The following SORCS1 variants were observed in gnomAD, a reference collection of about 807,000 sequenced individuals.
SORCS1 encodes the protein VPS10 domain-containing receptor SorCS1.
SORCS1 carries 60 observed loss-of-function variants against 146.1 expected under a neutral mutation model. That is an observed-to-expected ratio of 0.41 (90% CI 0.33 to 0.51). SORCS1 has a LOEUF of 0.51. SORCS1 is among the 20% of genes least tolerant of loss of function. The pLI is 0.21. For missense variants in SORCS1, 1,352 were observed against 1,487.6 expected (o/e 0.91, Z 1.50); for synonymous variants, 637 against 584.0 (o/e 1.09, Z -1.31).
chr10:106,663,609 A>T (rs1850903370), intron 17 of SORCS1, among the ~76,000 whole-genome samples: 1 of 152,230 alleles, frequency 6.6e-6, no homozygotes, highest in South Asian at 2.1e-4. Flanking sequence ...GCCAAATGAC[A>T]TCTGTGGTGA....
intron 1 of SORCS1, among the ~76,000 whole-genome samples, chr10:107,034,858 G>A (rs1440647739): frequency 6.6e-6 from 1 of 151,498 alleles, no homozygotes. Flanking sequence ...CCCATAAACG[G>A]TATGTTTTAT....
intron 6 of SORCS1, among the ~76,000 whole-genome samples, chr10:106,727,988 C>A (rs149163181): frequency 6.6e-6 from 1 of 151,972 alleles, no homozygotes; most frequent in Non-Finnish European, 1.5e-5. Context: ...AGCTATAGGT[C>A]AAGATGAGAA....
intron 3 of SORCS1, among the ~76,000 whole-genome samples, chr10:106,812,941 G>T (rs1232390362): frequency 6.6e-6 from 1 of 151,656 alleles, no homozygotes; most frequent in Admixed American, 6.6e-5. Flanking sequence ...GTTCTGCTCA[G>T]CACGCACATG....
intron 2 of SORCS1, among the ~76,000 whole-genome samples, chr10:106,833,412 G>C (rs1308262114): frequency 1.3e-5 from 2 of 152,212 alleles, no homozygotes; most frequent in Non-Finnish European, 2.9e-5. Flanking sequence ...ATTAGATAGA[G>C]TGTTGACAAG....
chr10:107,065,282 C>A (rs1961640071), intron 1 of SORCS1, among the ~76,000 whole-genome samples: 2 of 152,096 alleles, frequency 1.3e-5, no homozygotes, highest in South Asian at 4.1e-4. Flanking sequence ...TTTGCACACA[C>A]TCGGTATCCC....
chr10:106,751,924 C>G (rs570828589), intron 5 of SORCS1, among the ~76,000 whole-genome samples: 1 of 152,222 alleles, frequency 6.6e-6, no homozygotes, highest in South Asian at 2.1e-4. Context: ...CCTTAAAAAA[C>G]TTATCTTCTA....
At chr10:106,916,041 C>A (rs1952410111) in intron 2 of SORCS1, among the ~76,000 whole-genome samples, 1 of 152,208 alleles carries the variant, frequency 6.6e-6, no homozygotes, top group Non-Finnish European at 1.5e-5. Context: ...TCAATGTCTA[C>A]ACACCTCTTG....
chr10:106,989,319 A>G (rs1372451942), intron 1 of SORCS1, among the ~76,000 whole-genome samples: 2 of 149,654 alleles, frequency 1.3e-5, no homozygotes, highest in African/African-American at 2.5e-5. Context: ...TGCCTTTCCT[A>G]AAATTTCCTT....
chr10:107,000,095 A>T (rs1192664896), intron 1 of SORCS1, among the ~76,000 whole-genome samples: 1 of 152,216 alleles, frequency 6.6e-6, no homozygotes, highest in African/African-American at 2.4e-5. Context: ...GTGACACCAC[A>T]TCACCCTCTC....
At chr10:107,091,482 G>A (rs1242542560) in intron 1 of SORCS1, among the ~76,000 whole-genome samples, 3 of 152,156 alleles carry the variant, frequency 2.0e-5, no homozygotes, top group African/African-American at 7.2e-5. Flanking sequence ...ATCTTCTGAT[G>A]TTTCCAAACT....
At chr10:106,928,966 T>G (rs1953243556) in intron 2 of SORCS1, among the ~76,000 whole-genome samples, 2 of 151,332 alleles carry the variant, frequency 1.3e-5, no homozygotes, top group South Asian at 4.2e-4. Context: ...TATAATTTTA[T>G]AGGAAAAATA....
intron 1 of SORCS1, among the ~76,000 whole-genome samples, chr10:106,971,489 T>C (rs953343963): frequency 5.3e-5 from 8 of 152,238 alleles, no homozygotes; most frequent in African/African-American, 1.9e-4. Flanking sequence ...GAAATTGCAA[T>C]CTACCAGCAT....
At chr10:106,983,442 T>C (rs187750261) in intron 1 of SORCS1, among the ~76,000 whole-genome samples, 10 of 152,178 alleles carry the variant, frequency 6.6e-5, no homozygotes, top group Admixed American at 6.5e-4. Context: ...GACAACCTAA[T>C]GTGTAGAATT....
chr10:107,091,337 T>C (rs1964166934), intron 1 of SORCS1, among the ~76,000 whole-genome samples: 1 of 152,244 alleles, frequency 6.6e-6, no homozygotes. Context: ...AATGCTGCTG[T>C]CCTCTCTCCC....
In SORCS1 at chr10:106,696,148, A is replaced by T. The variant is rs561867899; in HGVS notation, c.1413+3066T>A. 1.4e-3 allele frequency among the ~76,000 whole-genome samples: 219 copies of T among 151,040 alleles called. 3 individuals carry two copies. The highest frequency in any genetic ancestry group is 5.2e-3 in the African/African-American group (213 of 41,268). ...CATAATTGGCATGAAGAAGCAAACA[A>T]AGAACAAAGGCCATCCTCTTCAGTC... On this transcript the variant is annotated intron_variant, in intron 9 of 25. Transcript: ENST00000263054.
intron 2 of SORCS1, among the ~76,000 whole-genome samples, chr10:106,862,868 C>G (rs1950076552): frequency 6.7e-6 from 1 of 149,272 alleles, no homozygotes; most frequent in South Asian, 2.1e-4. Flanking sequence ...GTAAGTCAAG[C>G]ATTTAGTTGA....
chr10:106,832,385 C>T (rs1227917040), intron 2 of SORCS1, among the ~76,000 whole-genome samples: 1 of 151,994 alleles, frequency 6.6e-6, no homozygotes, highest in East Asian at 1.9e-4. Context: ...AATGGGGTTT[C>T]ACCATGTTGG....
chr10:107,092,118 T>C (rs1360886391), intron 1 of SORCS1, among the ~76,000 whole-genome samples: 1 of 152,192 alleles, frequency 6.6e-6, no homozygotes, highest in East Asian at 1.9e-4. Context: ...TATGAAAATG[T>C]GGTAAAGCAG....
intron 2 of SORCS1, among the ~76,000 whole-genome samples, chr10:106,854,218 A>C (rs550341414): frequency 2.6e-5 from 4 of 152,142 alleles, no homozygotes; most frequent in African/African-American, 9.6e-5. Context: ...CTTTACCCTG[A>C]TAATTTTCTT....
Sources: allele counts gnomAD v4.1 joint callset (sites outside exome capture counted in the v4.1 genomes callset), GRCh38; gene constraint gnomAD v4.1.1; transcripts MANE v1.5; gene names NCBI Gene and HGNC (gene_info 2026-07-23, HGNC 2026-07-21).